RELN: variants seen among roughly 807,000 people sequenced by gnomAD.
The protein encoded by RELN is reelin.
RELN carries 108 observed loss-of-function variants against 427.6 expected under a neutral mutation model. The observed-to-expected ratio is 0.25, with a 90% CI of 0.22 to 0.30. The LOEUF (loss-of-function observed/expected upper bound fraction) is 0.30, where lower values mean the gene tolerates loss of function less well. Among genes scored for constraint, RELN ranks in the 10% least tolerant of loss-of-function variants. The pLI is 1.00. For synonymous variants in RELN, 1,524 were observed against 1,513.4 expected, an observed-to-expected ratio of 1.01 and a Z score of -0.16; for missense variants, 3,715 against 4,302.8, an observed-to-expected ratio of 0.86 and a Z score of 3.82.
At chr7:103,915,458 T>C (rs1795463087) in intron 2 of RELN, among the ~76,000 whole-genome samples, 1 of 149,896 alleles carries the variant, frequency 6.7e-6, no homozygotes, top group South Asian at 2.2e-4. Flanking sequence ...CAACATCACC[T>C]GGAGTGTTGA....
At chr7:103,879,128 C>A (rs1186260337) in intron 2 of RELN, among the ~76,000 whole-genome samples, 1 of 152,200 alleles carries the variant, frequency 6.6e-6, no homozygotes, top group African/African-American at 2.4e-5. Flanking sequence ...AGAGGCTGAG[C>A]TCTGCAGTTA....
chr7:103,510,775 A>G, intron 51 of RELN, 76 bp downstream of exon 51: 1 of 1,208,410 alleles, frequency 8.3e-7, no homozygotes, highest in Non-Finnish European at 1.2e-6. Context: ...GAAATATTAG[A>G]TCATCTTTTC....
At chr7:103,549,474 C>T (rs142356240) in intron 41 of RELN, among the ~76,000 whole-genome samples, 180 of 152,296 alleles carry the variant, frequency 1.2e-3, no homozygotes, top group African/African-American at 4.2e-3. Flanking sequence ...ATGTGAATTT[C>T]AACAAAAATT....
In RELN at chr7:103,539,214, G is replaced by A. The variant is rs1830122615; in HGVS notation, c.7044C>T (p.Gly2348=). 3 of 1,614,120 alleles carry A rather than the reference G, an allele frequency of 1.9e-6. No homozygotes were observed. In the South Asian group the frequency reaches 3.3e-5, roughly 18 times the overall value. ...HPGGTKMPVC[G]STGDALVFIE... is the part of the protein sequence containing the mutation. ...TGAAGACCAGGGCATCACCAGTAGA[G>A]CCACACACGGGCATCTTGGTGCCTC... is the stretch of plus-strand genomic sequence containing the variant. The change falls in exon 45 of 65, where the codon GGC becomes GGT. Residue 2348 remains glycine (G), a synonymous_variant. Coordinates refer to ENST00000428762, the MANE Select transcript of RELN (RefSeq NM_005045.4).
At chr7:103,797,860 C>T (rs1462434824) in intron 3 of RELN, among the ~76,000 whole-genome samples, 1 of 152,170 alleles carries the variant, frequency 6.6e-6, no homozygotes, top group Non-Finnish European at 1.5e-5. Context: ...TTCAATTTTG[C>T]CTGGGGCTGG....
intron 52 of RELN, among the ~76,000 whole-genome samples, chr7:103,501,572 T>G (rs1042995969): frequency 6.6e-6 from 1 of 152,220 alleles, no homozygotes; most frequent in Non-Finnish European, 1.5e-5. Context: ...GTTTAAAGAA[T>G]CCAAAGTACA....
chr7:103,568,667 G>C (rs1830815548), intron 31 of RELN, among the ~76,000 whole-genome samples: 1 of 152,160 alleles, frequency 6.6e-6, no homozygotes, highest in Non-Finnish European at 1.5e-5. Flanking sequence ...GGGCTTTTTA[G>C]TGTGATATTG....
chr7:103,933,312 T>C (rs1053955267), intron 1 of RELN, among the ~76,000 whole-genome samples: 2 of 152,166 alleles, frequency 1.3e-5, no homozygotes, highest in Non-Finnish European at 2.9e-5. Context: ...ATTTAACAAC[T>C]GGCTTGCAAA....
chr7:103,477,675 T>G (rs187719328), intron 64 of RELN, among the ~76,000 whole-genome samples: 210 of 152,346 alleles, frequency 1.4e-3, no homozygotes, highest in Non-Finnish European at 2.4e-3. Flanking sequence ...TAAATGGGGA[T>G]GAGAATAATA....
At chr7:103,843,918 C>T (rs1157045651) in intron 2 of RELN, among the ~76,000 whole-genome samples, 1 of 152,186 alleles carries the variant, frequency 6.6e-6, no homozygotes, top group African/African-American at 2.4e-5. Context: ...CTCTCCCTCC[C>T]TGCTTAACAG....
intron 33 of RELN, 116 bp downstream of exon 33, chr7:103,566,108 C>T (rs1830744703): frequency 2.2e-6 from 2 of 899,752 alleles, no homozygotes; most frequent in East Asian, 5.2e-5. Flanking sequence ...GAGAGCCACC[C>T]TCAGCATGGG....
At chr7:103,848,524 G>A (rs1313727094) in intron 2 of RELN, among the ~76,000 whole-genome samples, 1 of 152,120 alleles carries the variant, frequency 6.6e-6, no homozygotes, top group African/African-American at 2.4e-5. Context: ...TTTCACCGCA[G>A]TTATTCCTCC....
In RELN at chr7:103,989,445, G is replaced by GAGAAGGCGAGA. The variant is rs756397709; in HGVS notation, c.-100_-90dup. 157 of 1,136,868 alleles carry GAGAAGGCGAGA rather than the reference G, an allele frequency of 1.4e-4. 4 individuals carry two copies. The highest frequency in any genetic ancestry group is 1.8e-4 in the Non-Finnish European group (152 of 868,518). The allele number at this position is 1,136,868 out of a possible 1,614,324, so 70.4% of individuals were successfully genotyped here. On this transcript the variant is annotated 5_prime_UTR_variant, in exon 1 of 65. Transcript: ENST00000428762. This position sits in a 1 kb window ranked among gnomAD's most constrained non-coding sequence, Gnocchi z 4.9. ...CGCCGGGACGGAGGAGCCACGCGGA[G>GAGAAGGCGAGA]AGAAGGCGAGAAGAAGGCGGACGGG...
intron 3 of RELN, among the ~76,000 whole-genome samples, chr7:103,819,697 T>G (rs1792968920): frequency 6.6e-6 from 1 of 152,074 alleles, no homozygotes; most frequent in South Asian, 2.1e-4. Flanking sequence ...ATTTTGCTTT[T>G]CAAATAATAA....
At chr7:103,497,690 G>A (rs971988900) in intron 55 of RELN, 130 bp downstream of exon 55, 36 of 772,744 alleles carry the variant, frequency 4.7e-5, no homozygotes, top group Admixed American at 8.1e-5. Context: ...AACAAAATCT[G>A]TAGCTTTTTC....
chr7:103,804,037 GC>G (rs1792533849), intron 3 of RELN, among the ~76,000 whole-genome samples: 1 of 151,994 alleles, frequency 6.6e-6, no homozygotes, highest in Non-Finnish European at 1.5e-5. Context: ...CATGTAATTA[GC>G]TTCACCTTCA....
chr7:103,817,597 T>G (rs1309863834), intron 3 of RELN, among the ~76,000 whole-genome samples: 3 of 152,192 alleles, frequency 2.0e-5, no homozygotes, highest in Non-Finnish European at 1.5e-5. Context: ...GGATTTCCTT[T>G]GTGAAAAGCT....
chr7:103,565,736 T>C (rs1028234373), intron 33 of RELN, among the ~76,000 whole-genome samples, 185 bp from the exon 34 acceptor site: 4 of 152,210 alleles, frequency 2.6e-5, no homozygotes, highest in African/African-American at 9.6e-5. Flanking sequence ...TTTAGAAATA[T>C]AGAAGGCTGC....
chr7:103,877,069 C>A (rs894403163), intron 2 of RELN, among the ~76,000 whole-genome samples: 1 of 152,104 alleles, frequency 6.6e-6, no homozygotes, highest in Non-Finnish European at 1.5e-5. Context: ...TGTCTTCTAT[C>A]TCTTACCTGT....
Sources: allele counts gnomAD v4.1 joint callset (sites outside exome capture counted in the v4.1 genomes callset), GRCh38; gene constraint gnomAD v4.1.1; non-coding constraint Gnocchi (gnomAD v3.1); transcripts MANE v1.5; gene names NCBI Gene and HGNC (gene_info 2026-07-23, HGNC 2026-07-21).